Variants in TENT4B observed in about 807,000 individuals in gnomAD.
TENT4B encodes the protein PAP associated domain containing 5.
In TENT4B, 10 loss-of-function variants were observed where a neutral mutation model predicts 75.0. The observed-to-expected ratio is 0.13, with a 90% CI of 0.08 to 0.23. The LOEUF is 0.23. Ranked by LOEUF, TENT4B falls within the 10% of genes least tolerant of loss-of-function variation. TENT4B has a pLI of 1.00. For synonymous variants in TENT4B, 350 were observed against 357.7 expected (o/e 0.98, Z 0.24); for missense variants, 579 against 893.8 (o/e 0.65, Z 4.49).
At position 50,232,604 on chromosome 16, in the gene TENT4B, C is replaced by G. The variant is rs2032329698; in HGVS notation, c.*3276C>G. On this transcript the variant is annotated 3_prime_UTR_variant, in exon 12 of 12. Coordinates refer to ENST00000561678, the MANE Select transcript of TENT4B (RefSeq NM_001365324.3). ...CTAGTGTTTGGGGTTTCTGGAAACA[C>G]TAGAGGGTCAGAAAAGAGTAATGAC... 1 of 985,142 alleles carries G rather than the reference C, an allele frequency of 1.0e-6. No individual in the cohort carries two copies. The highest frequency in any genetic ancestry group is 1.2e-6 in the Non-Finnish European group (1 of 829,888). 61.0% of individuals were successfully genotyped at this position (985,142 alleles called of 1,614,324 possible).
intron 8 of TENT4B, 28 bp from the exon 9 acceptor site, chr16:50,224,863 C>T: frequency 6.2e-7 from 1 of 1,611,362 alleles, no homozygotes; most frequent in Non-Finnish European, 8.5e-7. Flanking sequence ...TATTCCCTCC[C>T]TCTCCCTTTC....
chr16:50,212,538 A>G (rs570554874), intron 2 of TENT4B, among the ~76,000 whole-genome samples: 11 of 152,292 alleles, frequency 7.2e-5, no homozygotes, highest in African/African-American at 1.7e-4. Context: ...TTTTTTTCCA[A>G]TTGGCAAAAC....
At position 50,227,920 on chromosome 16, in the gene TENT4B, G is replaced by A. The variant is rs774271164; in HGVS notation, c.1882G>A (p.Val628Ile). The A allele has an allele frequency of 9.9e-6, 16 of 1,613,900 alleles. No individual in the cohort carries two copies. The highest frequency in any genetic ancestry group is 1.0e-5 in the Non-Finnish European group (12 of 1,179,908). Residue 628 changes from valine (V) to isoleucine (I), a missense_variant, in exon 11 of 12, where the codon GTA (valine) becomes ATA (isoleucine). Physicochemically the swap from Val to Ile is conservative, Grantham distance 29. Coordinates refer to ENST00000561678, the MANE Select transcript of TENT4B (RefSeq NM_001365324.3). ...TGGGAACCGAGTAGGGTCGCAAGAT[G>A]TATCCTTGGAGTCCTCTCAGGCAGT... The part of the protein sequence containing the change: ...STGNRVGSQD[V>I]SLESSQAVGK...
chr16:50,210,147 T>C (rs991802805), intron 1 of TENT4B, among the ~76,000 whole-genome samples: 5 of 152,180 alleles, frequency 3.3e-5, no homozygotes, highest in Non-Finnish European at 7.4e-5. Context: ...TGTGCTTACC[T>C]CTGTGGCTCA....
At chr16:50,224,162 A>G (rs2031945219) in intron 7 of TENT4B, among the ~76,000 whole-genome samples, 1 of 152,136 alleles carries the variant, frequency 6.6e-6, no homozygotes, top group Non-Finnish European at 1.5e-5. Context: ...TAATAGTTCT[A>G]TGTGTTTATT....
Position 50,187,944 on chromosome 16 carries a change from T to C in TENT4B, c.639-23379T>C, listed in dbSNP as rs77062155. On this transcript the variant is annotated intron_variant, in intron 1 of 11. Transcript: ENST00000561678. ...ATGCATTCTTTTCTTTCTTTATTTTTTAAAAATTGAGACAGCAGCTTACTC... is the reference window on the plus strand; with the variant it reads ...ATGCATTCTTTTCTTTCTTTATTTTCTAAAAATTGAGACAGCAGCTTACTC... Among the ~76,000 whole-genome samples, 398 of 152,308 alleles carry C rather than the reference T, an allele frequency of 2.6e-3. 1 individual carries two copies. The highest frequency in any genetic ancestry group is 9.2e-3 in the African/African-American group (381 of 41,570).
At chr16:50,184,395 G>T (rs773243481) in intron 1 of TENT4B, among the ~76,000 whole-genome samples, 4 of 152,144 alleles carry the variant, frequency 2.6e-5, no homozygotes, top group Non-Finnish European at 5.9e-5. Context: ...CCGGCCGGGC[G>T]CGGTGGCTCA....
In TENT4B at chr16:50,229,134, C is replaced by A; in HGVS notation, c.1966-18C>A. The A allele has an allele frequency of 2.5e-6, 4 of 1,610,598 alleles. No homozygotes were observed. In the South Asian group the frequency reaches 4.4e-5, roughly 18 times the overall value. On this transcript the variant is annotated intron_variant, in intron 11 of 11. Coordinates refer to ENST00000561678, the MANE Select transcript of TENT4B (RefSeq NM_001365324.3). ...TCTGCAATACTGATGTCTTTGTGGT[C>A]GTTTTCTGTTTCTGCAGCATGGATC...
At chr16:50,203,525 T>A (rs2030775710) in intron 1 of TENT4B, among the ~76,000 whole-genome samples, 1 of 152,246 alleles carries the variant, frequency 6.6e-6, no homozygotes, top group Non-Finnish European at 1.5e-5. Context: ...TTGTGAATAT[T>A]TTCTTATCGA....
chr16:50,202,492 T>C (rs2030712173), intron 1 of TENT4B, among the ~76,000 whole-genome samples: 1 of 152,238 alleles, frequency 6.6e-6, no homozygotes, highest in South Asian at 2.1e-4. Flanking sequence ...AAACTTTGTT[T>C]ATTTGTGCTT....
chr16:50,206,354 A>ATTTTTTT (rs35118426), intron 1 of TENT4B, among the ~76,000 whole-genome samples: 8 of 96,550 alleles, frequency 8.3e-5, no homozygotes, highest in South Asian at 3.6e-4. Flanking sequence ...ATATGTATGT[A>ATTTTTTT]TTTTTTTTTT....
chr16:50,156,860 A>G (rs924905703), intron 1 of TENT4B, among the ~76,000 whole-genome samples: 1 of 150,962 alleles, frequency 6.6e-6, no homozygotes, highest in Non-Finnish European at 1.5e-5. Flanking sequence ...TGGGGCCTCC[A>G]TTTGTTGCCT....
intron 1 of TENT4B, among the ~76,000 whole-genome samples, chr16:50,164,998 G>T (rs1179459063): frequency 6.6e-6 from 1 of 151,974 alleles, no homozygotes; most frequent in Non-Finnish European, 1.5e-5. Flanking sequence ...AGGTTGCAGT[G>T]AGCTAAGTTC....
At position 50,234,170 on chromosome 16, in the gene TENT4B, C is replaced by T; in HGVS notation, c.*4842C>T. 1.1e-5 allele frequency: 11 copies of T among 985,460 alleles called. No individual in the cohort carries two copies. The highest frequency in any genetic ancestry group is 1.3e-5 in the Non-Finnish European group (11 of 829,968). 61.0% of individuals were successfully genotyped at this position (985,460 alleles called of 1,614,324 possible). A position where few individuals can be genotyped will look rare whatever the true frequency, so the allele number is the denominator to read the frequency against. On this transcript the variant is annotated 3_prime_UTR_variant, in exon 12 of 12. Transcript: ENST00000561678. ...GAAACTATGAAGTAAACAAGTTGCT[C>T]AGGCCGGGCATGGTGGCTCACGCCT...
At position 50,231,987 on chromosome 16, in the gene TENT4B, G is replaced by C; in HGVS notation, c.*2659G>C. 1.0e-6 allele frequency: 1 copy of C among 984,432 alleles called. No individual in the cohort carries two copies. Among genetic ancestry groups the C allele is most frequent in the Non-Finnish European group, 1.2e-6 (1 of 829,214 alleles). The allele number at this position is 984,432 out of a possible 1,614,324, so 61.0% of individuals were successfully genotyped here. ...TATCCATGAATCATAACCTTCCTTT[G>C]CTAATACTTGTTGAATGGGATTTTA... On this transcript the variant is annotated 3_prime_UTR_variant, in exon 12 of 12. Coordinates refer to ENST00000561678, the MANE Select transcript of TENT4B (RefSeq NM_001365324.3).
Position 50,230,359 on chromosome 16 carries a change from C to T in TENT4B, c.*1031C>T, listed in dbSNP as rs1193717775. ...TCTCATTCCTGTTGCAGTGAAACTT[C>T]GAGTTCCACAGACTTTGCATGCTGG... is the stretch of plus-strand genomic sequence containing the variant. On this transcript the variant is annotated 3_prime_UTR_variant, in exon 12 of 12. Coordinates refer to ENST00000561678, the MANE Select transcript of TENT4B (RefSeq NM_001365324.3). 18 of 982,060 alleles carry T rather than the reference C, an allele frequency of 1.8e-5. No homozygotes were observed. Among genetic ancestry groups the T allele is most frequent in the African/African-American group, 1.4e-4 (8 of 56,350 alleles). 60.8% of individuals were successfully genotyped at this position (982,060 alleles called of 1,614,324 possible).
intron 1 of TENT4B, among the ~76,000 whole-genome samples, chr16:50,201,793 C>G (rs1208659923): frequency 6.7e-6 from 1 of 149,682 alleles, no homozygotes; most frequent in Non-Finnish European, 1.5e-5. Flanking sequence ...GAGTGAGCCA[C>G]TGTATTCCAG....
Position 50,225,143 on chromosome 16 carries a change from GTAA to G in TENT4B, c.1666_1668del (p.Asn556del), listed in dbSNP as rs773529935. 8.7e-6 allele frequency: 14 copies of G among 1,613,072 alleles called. No homozygotes were observed. In the Admixed American group the frequency reaches 2.0e-4, roughly 23 times the overall value. On this transcript the variant is annotated inframe_deletion, in exon 10 of 12. Coordinates refer to ENST00000561678, the MANE Select transcript of TENT4B (RefSeq NM_001365324.3). ...GTAGATACTCAGCAGTTAGATAAAT[GTAA>G]TAATAATCTATCTGAAGAAAATGAA...
At chr16:50,177,827 G>C (rs1472633886) in intron 1 of TENT4B, among the ~76,000 whole-genome samples, 1 of 151,866 alleles carries the variant, frequency 6.6e-6, no homozygotes, top group Non-Finnish European at 1.5e-5. Flanking sequence ...TGAGATTATT[G>C]ATTTTTAGAT....
Sources: allele counts gnomAD v4.1 joint callset (sites outside exome capture counted in the v4.1 genomes callset), GRCh38; gene constraint gnomAD v4.1.1; transcripts MANE v1.5; gene names NCBI Gene and HGNC (gene_info 2026-07-23, HGNC 2026-07-21).